CTNNAL1: variants seen among roughly 807,000 people sequenced by gnomAD.
The protein encoded by CTNNAL1 is catenin alpha like 1, also known as alpha-catulin.
Under a neutral mutation model 93.6 loss-of-function variants are expected in CTNNAL1, and 69 were observed. That is an observed-to-expected ratio of 0.74 (90% CI 0.61 to 0.90). The LOEUF (loss-of-function observed/expected upper bound fraction) is 0.90, where lower values mean the gene tolerates loss of function less well. Ranked by LOEUF, CTNNAL1 falls within the 40% of genes least tolerant of loss-of-function variation. The probability of loss-of-function intolerance (pLI) is 0.00; values close to 1 mark genes in which losing one functional copy is unlikely to be tolerated. For synonymous variants in CTNNAL1, 286 were observed against 305.4 expected (o/e 0.94, Z 0.66); for missense variants, 836 against 862.0 (o/e 0.97, Z 0.38).
chr9:108,951,074 G>A (rs969648916), intron 14 of CTNNAL1, among the ~76,000 whole-genome samples: 4 of 151,640 alleles, frequency 2.6e-5, no homozygotes, highest in African/African-American at 9.7e-5. Flanking sequence ...CAAGTGGCGC[G>A]ATCTCAGCTC....
chr9:108,972,864 G>GGGGGGGCCCCCCCCCCCCCCCCCCCCCC, intron 8 of CTNNAL1, 31 bp from the exon 9 acceptor site: 1 of 142,590 alleles, frequency 7.0e-6, no homozygotes, highest in East Asian at 2.2e-4. Flanking sequence ...GGGGGGGTGG[G>GGGGGGGCCCCCCCCCCCCCCCCCCCCCC]AGGGTGGAGA....
chr9:108,968,135 C>G (rs1048966799), intron 10 of CTNNAL1, among the ~76,000 whole-genome samples: 1 of 152,194 alleles, frequency 6.6e-6, no homozygotes, highest in Non-Finnish European at 1.5e-5. Context: ...TGGCATTGCT[C>G]TCCTCTCAAC....
intron 1 of CTNNAL1, 33 bp from the exon 2 acceptor site, chr9:108,999,289 C>T: frequency 6.4e-7 from 1 of 1,557,516 alleles, no homozygotes. Context: ...ACTTTTATCT[C>T]AATACCTTTT....
Position 108,957,367 on chromosome 9 carries a change from G to A in CTNNAL1, c.1592-1540C>T, listed in dbSNP as rs138681464. Among the ~76,000 whole-genome samples, 389 of 152,082 alleles carry A rather than the reference G, an allele frequency of 2.6e-3. 3 individuals carry two copies. The highest frequency in any genetic ancestry group is 8.7e-3 in the African/African-American group (359 of 41,482). ...CTCCTTGGGCTCAAGTGATCTTCCC[G>A]CCTTGGCCTGCCAAAGTGCTGAAAT... On this transcript the variant is annotated intron_variant, in intron 11 of 18. Transcript: ENST00000325551.
intron 7 of CTNNAL1, 29 bp from the exon 8 acceptor site, chr9:108,977,077 T>A (rs1186244191): frequency 3.9e-6 from 4 of 1,020,788 alleles, no homozygotes; most frequent in Non-Finnish European, 5.7e-6. Flanking sequence ...ATACATGTAA[T>A]GTTACCGCAT....
chr9:108,956,792 T>C (rs1367323618), intron 11 of CTNNAL1, among the ~76,000 whole-genome samples: 4 of 152,112 alleles, frequency 2.6e-5, no homozygotes, highest in Non-Finnish European at 5.9e-5. Flanking sequence ...TACTATTAAA[T>C]ATGAAACCTA....
chr9:108,943,476 CTGTTCAGTGCTATGGAATTAA>C (rs1448379654), intron 17 of CTNNAL1, among the ~76,000 whole-genome samples: 19 of 152,114 alleles, frequency 1.2e-4, no homozygotes, highest in Non-Finnish European at 2.2e-4. Flanking sequence ...TGAAGGGCAG[CTGTTCAGTGCTATGGAATTAA>C]TGATGTCCAA....
chr9:108,978,248 G>C (rs1014845556), intron 7 of CTNNAL1, among the ~76,000 whole-genome samples: 4 of 152,266 alleles, frequency 2.6e-5, no homozygotes, highest in African/African-American at 9.6e-5. Flanking sequence ...CATTGCTCAA[G>C]TCTCTCACAC....
chr9:108,981,902 G>A (rs1268573767), intron 6 of CTNNAL1, among the ~76,000 whole-genome samples: 1 of 152,160 alleles, frequency 6.6e-6, no homozygotes, highest in Non-Finnish European at 1.5e-5. Context: ...TCCAGCCCGA[G>A]AAACAAGAGT....
At chr9:108,989,173 T>G (rs1831707461) in intron 4 of CTNNAL1, among the ~76,000 whole-genome samples, 1 of 152,192 alleles carries the variant, frequency 6.6e-6, no homozygotes, top group Admixed American at 6.5e-5. Context: ...TGGTGAAAGT[T>G]TTTCAGTTAT....
At chr9:108,950,794 G>A (rs1442492170) in intron 14 of CTNNAL1, 2 of 613,336 alleles carry the variant, frequency 3.3e-6, no homozygotes, top group African/African-American at 1.8e-5. Context: ...AGATATAACT[G>A]GTCTTCCATG....
Position 108,983,304 on chromosome 9 carries a change from C to A in CTNNAL1, c.741G>T (p.Arg247Ser). 1 of 1,527,394 alleles carries A rather than the reference C, an allele frequency of 6.5e-7. No individual in the cohort carries two copies. The highest frequency in any genetic ancestry group is 8.8e-7 in the Non-Finnish European group (1 of 1,140,460). The allele number at this position is 1,527,394 out of a possible 1,614,324, so 94.6% of individuals were successfully genotyped here. A position where few individuals can be genotyped will look rare whatever the true frequency, so the allele number is the denominator to read the frequency against. ...MLLTASKTCL[R>S]HPNCESAHKN... ...TATGGGCTGATTCGCAGTTAGGATG[C>A]CTCAGACATGTCTTCAAAACAATTG... is the stretch of plus-strand genomic sequence containing the variant. Residue 247 changes from arginine (R) to serine (S), a missense_variant, in exon 6 of 19, where the codon AGG becomes AGT. Physicochemically the swap from Arg to Ser is moderately radical, Grantham distance 110. Transcript: ENST00000325551.
chr9:109,005,928 AAAT>A, intron 1 of CTNNAL1, among the ~76,000 whole-genome samples: 1 of 152,360 alleles, frequency 6.6e-6, no homozygotes, highest in African/African-American at 2.4e-5. Flanking sequence ...TGTTCAATCC[AAAT>A]ATAGTATGCC....
intron 8 of CTNNAL1, 64 bp downstream of exon 8, chr9:108,976,898 A>T (rs1831282072): frequency 1.6e-6 from 1 of 635,090 alleles, no homozygotes; most frequent in African/African-American, 1.9e-5. Flanking sequence ...AATGTATTTC[A>T]TACACCCATA....
chr9:108,998,020 T>C (rs1037466026), intron 2 of CTNNAL1, among the ~76,000 whole-genome samples: 2 of 152,220 alleles, frequency 1.3e-5, no homozygotes, highest in African/African-American at 4.8e-5. Flanking sequence ...ACTTAGAACA[T>C]AGTCCAAAAT....
At chr9:108,992,565 G>C in intron 3 of CTNNAL1, 67 bp downstream of exon 3, 1 of 1,505,928 alleles carries the variant, frequency 6.6e-7, no homozygotes, top group Non-Finnish European at 8.9e-7. Context: ...CCACCACTAA[G>C]AGTCATAAAA....
At chr9:108,950,689 C>T in intron 14 of CTNNAL1, 4 of 1,450,710 alleles carry the variant, frequency 2.8e-6, no homozygotes, top group Non-Finnish European at 3.7e-6. Flanking sequence ...GGTGGATGCT[C>T]ATCTTTTCAG....
rs1302089471 is a variant in CTNNAL1 at position 108,980,793 on chromosome 9, A to C, written c.901-1312T>G. On this transcript the variant is annotated intron_variant, in intron 6 of 18. Transcript: ENST00000325551. ...CATAAAAATCAGTTATATTGGTCTC[A>C]TACCATTTATGTTAAGGTTTTTTAT... 2.6e-5 allele frequency among the ~76,000 whole-genome samples: 4 copies of C among 152,228 alleles called. 1 individual carries two copies. Among genetic ancestry groups the C allele is most frequent in the African/African-American group, 9.6e-5 (4 of 41,464 alleles).
At chr9:108,989,620 T>C (rs1442350300) in intron 4 of CTNNAL1, among the ~76,000 whole-genome samples, 3 of 152,148 alleles carry the variant, frequency 2.0e-5, no homozygotes, top group Non-Finnish European at 4.4e-5. Context: ...TCAATTATTA[T>C]ATATATTTAA....
Sources: gnomAD v4.1 joint callset for allele counts (sites outside exome capture counted in the v4.1 genomes callset) on GRCh38, gnomAD v4.1.1 for gene constraint, MANE v1.5 for transcripts, NCBI Gene and HGNC (gene_info 2026-07-23, HGNC 2026-07-21) for gene names.